The following MLXIP variants were observed in gnomAD, a reference collection of about 807,000 sequenced individuals.
The protein encoded by MLXIP is MLX interacting protein, also known as MLX-interacting protein.
A neutral mutation model predicts 87.2 loss-of-function variants in MLXIP; 30 were observed. The ratio of observed to expected loss-of-function variants is 0.34; its 90% CI spans 0.26 to 0.47. MLXIP has a LOEUF of 0.47. Among genes scored for constraint, MLXIP ranks in the 20% least tolerant of loss-of-function variants. The probability of loss-of-function intolerance (pLI) is 1.00; values close to 1 mark genes in which losing one functional copy is unlikely to be tolerated. For synonymous variants in MLXIP, 530 were observed against 514.0 expected, an observed-to-expected ratio of 1.03 and a Z score of -0.42; for missense variants, 1,002 against 1,240.1, an observed-to-expected ratio of 0.81 and a Z score of 2.88.
chr12:122,138,858 C>G lies in MLXIP; in HGVS notation c.2428C>G (p.Arg810Gly). 1 of 1,614,042 alleles carries G rather than the reference C, an allele frequency of 6.2e-7. No individual in the cohort carries two copies. ...CCCTGCCACGGGAGTCCCCGTTACC[C>G]GGCGCCAGTTTGATCACATGAAAGA... ...LLPATGVPVTRRQFDHMKDMF... is the reference protein window; with the variant it reads ...LLPATGVPVTGRQFDHMKDMF... Residue 810 changes from arginine to glycine, a missense_variant, in exon 15 of 17, where the codon CGG becomes GGG. By Grantham distance (125) the Arg-to-Gly change is moderately radical. Transcript: ENST00000319080.
At chr12:122,110,883 C>G (rs1952595468) in intron 1 of MLXIP, among the ~76,000 whole-genome samples, 1 of 151,992 alleles carries the variant, frequency 6.6e-6, no homozygotes, top group South Asian at 2.1e-4. Flanking sequence ...CGAGACCATC[C>G]TGGCTAACAT....
In MLXIP at chr12:122,137,333, T is replaced by C. The variant is rs1409933803; in HGVS notation, c.2033-136T>C. On this transcript the variant is annotated intron_variant, in intron 11 of 16. Coordinates refer to ENST00000319080, the MANE Select transcript of MLXIP (RefSeq NM_014938.6). This position sits in a 1 kb window ranked among gnomAD's most constrained non-coding sequence, Gnocchi z 4.1. Reference sequence around the variant, plus strand: ...AATAAGAATAATCTAAGGAAGCATGTGTGTGCAGTTGAAAGAACCAAGTGC... The same window carrying C: ...AATAAGAATAATCTAAGGAAGCATGCGTGTGCAGTTGAAAGAACCAAGTGC... The C allele has an allele frequency of 9.8e-6, 8 of 819,284 alleles. No individual in the cohort carries two copies. Among genetic ancestry groups the C allele is most frequent in the South Asian group, 4.1e-5 (2 of 48,614 alleles). The allele number at this position is 819,284 out of a possible 1,614,324, so 50.8% of individuals were successfully genotyped here.
chr12:122,100,700 A>T (rs545381319), intron 1 of MLXIP, among the ~76,000 whole-genome samples: 1 of 152,060 alleles, frequency 6.6e-6, no homozygotes. Context: ...GGTGTCTCCC[A>T]TTTTCTATTG....
At chr12:122,083,242 G>C (rs762168435) in intron 1 of MLXIP, among the ~76,000 whole-genome samples, 7 of 152,096 alleles carry the variant, frequency 4.6e-5, no homozygotes, top group African/African-American at 9.7e-5. Flanking sequence ...TTCCGGTGGT[G>C]GGGGGAAGAG....
chr12:122,128,939 A>T, intron 3 of MLXIP, 198 bp from the exon 4 acceptor site: 1 of 593,534 alleles, frequency 1.7e-6, no homozygotes, highest in South Asian at 2.0e-5. Context: ...TCTTGAAATG[A>T]CAGCGCATTG....
At chr12:122,128,201 T>A (rs185540370) in intron 3 of MLXIP, 238 of 494,828 alleles carry the variant, frequency 4.8e-4, no homozygotes, top group African/African-American at 4.4e-3. Flanking sequence ...GGGGTTAATA[T>A]CTTTCTGTTA....
intron 1 of MLXIP, among the ~76,000 whole-genome samples, chr12:122,093,601 GTGTT>G (rs1250727082): frequency 5.7e-5 from 8 of 141,562 alleles, no homozygotes; most frequent in Non-Finnish European, 9.3e-5. Flanking sequence ...TGTATGGTGT[GTGTT>G]TGTGGTGTGT....
intron 15 of MLXIP, among the ~76,000 whole-genome samples, chr12:122,139,958 G>A (rs1194342848): frequency 6.6e-6 from 1 of 152,210 alleles, no homozygotes; most frequent in Non-Finnish European, 1.5e-5. Context: ...ACAGGCGTGA[G>A]CCACCGTGCC....
chr12:122,131,650 T>C (rs946857883), intron 7 of MLXIP, among the ~76,000 whole-genome samples: 3 of 151,854 alleles, frequency 2.0e-5, no homozygotes, highest in Non-Finnish European at 4.4e-5. Context: ...GGGGGTCTGC[T>C]ATGTTGCCCA....
rs1340061454 is a variant in MLXIP, at chr12:122,103,580, G to T, written c.414-23676G>T. Among the ~76,000 whole-genome samples the T allele has an allele frequency of 2.0e-5, 3 of 149,084 alleles. No homozygotes were observed. The East Asian group carries it at 6.0e-4, about 30-fold the overall frequency. On this transcript the variant is annotated intron_variant, in intron 1 of 16. Coordinates refer to ENST00000319080, the MANE Select transcript of MLXIP (RefSeq NM_014938.6). ...GTGTCACCCAGGCTGGAGTTCAGTG[G>T]CACGATCTCGGCTCACTGCAACCTC...
chr12:122,141,258 C>T, intron 16 of MLXIP, 175 bp downstream of exon 16: 2 of 475,652 alleles, frequency 4.2e-6, no homozygotes, highest in Non-Finnish European at 5.5e-6. Context: ...GGGCAGGAGG[C>T]TCCTGCCCTT....
At chr12:122,114,567 G>C (rs1351856608) in intron 1 of MLXIP, among the ~76,000 whole-genome samples, 1 of 152,058 alleles carries the variant, frequency 6.6e-6, no homozygotes, top group African/African-American at 2.4e-5. Flanking sequence ...CTGATACCCT[G>C]TGCTCCAGGC....
intron 4 of MLXIP, 150 bp downstream of exon 4, chr12:122,129,376 T>A: frequency 1.1e-6 from 1 of 909,518 alleles, no homozygotes; most frequent in Non-Finnish European, 1.7e-6. Flanking sequence ...CGTGCCAGAC[T>A]AGCCTGGGCA....
chr12:122,094,526 T>TTGG (rs1952315693), intron 1 of MLXIP, among the ~76,000 whole-genome samples: 3 of 103,048 alleles, frequency 2.9e-5, no homozygotes, highest in East Asian at 3.2e-4. Context: ...GGTGTGTGTG[T>TTGG]TGTGTGTGGT....
chr12:122,118,218 G>T (rs1458624458), intron 1 of MLXIP, among the ~76,000 whole-genome samples: 1 of 152,114 alleles, frequency 6.6e-6, no homozygotes, highest in African/African-American at 2.4e-5. Flanking sequence ...GCGGTACGGC[G>T]TGAGATTTTG....
chr12:122,138,772 G>A, intron 14 of MLXIP, 43 bp from the exon 15 acceptor site: 1 of 1,603,316 alleles, frequency 6.2e-7, no homozygotes, highest in Non-Finnish European at 8.5e-7. Flanking sequence ...GTCCTTATTG[G>A]CCACTGGCTG....
At chr12:122,139,212 C>T (rs1953152534) in intron 15 of MLXIP, among the ~76,000 whole-genome samples, 1 of 152,138 alleles carries the variant, frequency 6.6e-6, no homozygotes, top group South Asian at 2.1e-4. Flanking sequence ...GAAATCAGGA[C>T]AATGCTAGAG....
rs145933537 is a variant in MLXIP at position 122,084,073 on chromosome 12, T to C, written c.413+4807T>C. ...GGCTAGGCGTGGGGACAGATAGTTA[T>C]AGAACAGTTAGTAAGGGCTGTGATA... On this transcript the variant is annotated intron_variant, in intron 1 of 16. Transcript: ENST00000319080. Among the ~76,000 whole-genome samples the C allele has an allele frequency of 2.6e-5, 4 of 152,032 alleles. No individual in the cohort carries two copies. The East Asian group carries it at 5.8e-4, about 22-fold the overall frequency.
chr12:122,140,915 C>T (rs1477623088), intron 15 of MLXIP, 39 bp from the exon 16 acceptor site: 1 of 1,613,938 alleles, frequency 6.2e-7, no homozygotes, highest in Admixed American at 1.7e-5. Context: ...GTCCCCAGCC[C>T]CTCTCCGTGC....
Sources: gnomAD v4.1 joint callset for allele counts (sites outside exome capture counted in the v4.1 genomes callset) on GRCh38, gnomAD v4.1.1 for gene constraint, Gnocchi (gnomAD v3.1) non-coding constraint, MANE v1.5 for transcripts, NCBI Gene and HGNC (gene_info 2026-07-23, HGNC 2026-07-21) for gene names.